PHF14: variants seen among roughly 807,000 people sequenced by gnomAD.
PHF14 encodes the protein PHD finger protein 14.
A neutral mutation model predicts 117.9 loss-of-function variants in PHF14; 55 were observed. The ratio of observed to expected loss-of-function variants is 0.47; its 90% CI spans 0.38 to 0.58. PHF14 has a LOEUF of 0.58. Among genes scored for constraint, PHF14 ranks in the 20% least tolerant of loss-of-function variants. PHF14 has a pLI of 0.00. For missense variants in PHF14, 978 were observed against 1,122.2 expected (o/e 0.87, Z 1.84); for synonymous variants, 409 against 368.6 (o/e 1.11, Z -1.26).
At chr7:11,054,842 G>A (rs1380224819) in intron 14 of PHF14, among the ~76,000 whole-genome samples, 1 of 151,914 alleles carries the variant, frequency 6.6e-6, no homozygotes, top group Non-Finnish European at 1.5e-5. Flanking sequence ...CATTATTATA[G>A]TATTTTTATT....
intron 17 of PHF14, among the ~76,000 whole-genome samples, chr7:11,114,771 A>C (rs1787550720): frequency 6.6e-6 from 1 of 152,116 alleles, no homozygotes; most frequent in Non-Finnish European, 1.5e-5. Flanking sequence ...ACAAATACAC[A>C]GAGACACATA....
chr7:11,163,348 T>A (rs750286162), intron 17 of PHF14, among the ~76,000 whole-genome samples: 1 of 152,238 alleles, frequency 6.6e-6, no homozygotes, highest in Non-Finnish European at 1.5e-5. Flanking sequence ...CATTTCAGTA[T>A]CTGTCATGGC....
At chr7:11,035,605 A>C (rs1370077934) in intron 7 of PHF14, 35 bp from the exon 8 acceptor site, 1 of 1,465,614 alleles carries the variant, frequency 6.8e-7, no homozygotes, top group Admixed American at 2.0e-5. Context: ...TGGGAGTACA[A>C]ATGTTCACTA....
At position 11,063,267 on chromosome 7, in the gene PHF14, A is replaced by T. The variant is rs565052155; in HGVS notation, c.2654+1182A>T. 4 of 984,806 alleles carry T rather than the reference A, an allele frequency of 4.1e-6. No homozygotes were observed. In the African/African-American group the frequency reaches 7.0e-5, roughly 17 times the overall value. The allele number at this position is 984,806 out of a possible 1,614,324, so 61.0% of individuals were successfully genotyped here. On this transcript the variant is annotated intron_variant, in intron 16 of 17. Coordinates refer to ENST00000634607, the MANE Select transcript of PHF14 (RefSeq NM_001007157.2). ...GTGTTGGGAGCTATCCTGAAGGTTA[A>T]GTTTATTAAAATTTAGGGTAAAGTA...
At chr7:11,122,999 C>A (rs1264087489) in intron 17 of PHF14, among the ~76,000 whole-genome samples, 3 of 152,142 alleles carry the variant, frequency 2.0e-5, no homozygotes, top group African/African-American at 7.2e-5. Flanking sequence ...TAATTTCCTC[C>A]TTTTAAAAAT....
intron 16 of PHF14, among the ~76,000 whole-genome samples, chr7:11,065,611 T>C (rs1785397129): frequency 6.6e-6 from 1 of 152,174 alleles, no homozygotes; most frequent in African/African-American, 2.4e-5. Context: ...TGGATAGTTT[T>C]TCCTCTGCTG....
intron 14 of PHF14, among the ~76,000 whole-genome samples, chr7:11,056,090 A>C (rs542959876): frequency 6.6e-6 from 1 of 152,146 alleles, no homozygotes; most frequent in Non-Finnish European, 1.5e-5. Context: ...ATAGATTCTT[A>C]GAAGAAACCC....
chr7:11,138,320 C>T (rs1040290463), intron 17 of PHF14, among the ~76,000 whole-genome samples: 2 of 152,038 alleles, frequency 1.3e-5, no homozygotes, highest in African/African-American at 2.4e-5. Flanking sequence ...GGATTACAGG[C>T]GTGAGCCACT....
At chr7:11,001,707 A>G (rs867083416) in intron 4 of PHF14, among the ~76,000 whole-genome samples, 1 of 152,100 alleles carries the variant, frequency 6.6e-6, no homozygotes, top group Middle Eastern at 3.2e-3. Flanking sequence ...TGGCTTTTGT[A>G]TATTAAGTTT....
Position 10,974,268 on chromosome 7 carries a change from G to C in PHF14, c.-56G>C. The C allele has an allele frequency of 6.5e-7, 1 of 1,532,790 alleles. No homozygotes were observed. The highest frequency in any genetic ancestry group is 8.9e-7 in the Non-Finnish European group (1 of 1,123,938). 94.9% of individuals were successfully genotyped at this position (1,532,790 alleles called of 1,614,324 possible). Reference sequence around the variant, plus strand: ...CCAGTCCCCGACCTCGGCGCTGCCTGGGCTCCTGCAGCCTCTCCCTAAGTC... The same window carrying C: ...CCAGTCCCCGACCTCGGCGCTGCCTCGGCTCCTGCAGCCTCTCCCTAAGTC... On this transcript the variant is annotated 5_prime_UTR_variant, in exon 1 of 18. Transcript: ENST00000634607.
At chr7:11,043,662 A>G (rs894875721) in intron 13 of PHF14, among the ~76,000 whole-genome samples, 5 of 152,026 alleles carry the variant, frequency 3.3e-5, no homozygotes, top group African/African-American at 1.2e-4. Flanking sequence ...CTATTTTCAC[A>G]TGATTGCTTT....
rs560370839 is a variant in PHF14 at position 10,982,616 on chromosome 7, G to T, written c.357G>T (p.Lys119Asn). 3.0e-5 allele frequency: 45 copies of T among 1,523,508 alleles called. No individual in the cohort carries two copies. The highest frequency in any genetic ancestry group is 3.8e-5 in the Non-Finnish European group (43 of 1,126,516). 94.4% of individuals were successfully genotyped at this position (1,523,508 alleles called of 1,614,324 possible). ...ERPRKKKEKE[K>N]EKEKEKEKEK... ...CTAGAAAGAAAAAGGAGAAAGAGAA[G>T]GAAAAAGAAAAGGAAAAGGAGAAAG... is the stretch of plus-strand genomic sequence containing the variant. Residue 119 changes from lysine to asparagine, a missense_variant, in exon 3 of 18, where the codon AAG becomes AAT. Lys to Asn is a moderately conservative substitution (Grantham distance 94, BLOSUM62 0). Transcript: ENST00000634607.
chr7:11,035,630 C>T lies in PHF14; in HGVS notation c.1456-10C>T, dbSNP rs1210091323. 1 of 1,547,310 alleles carries T rather than the reference C, an allele frequency of 6.5e-7. No individual in the cohort carries two copies. Among genetic ancestry groups the T allele is most frequent in the Non-Finnish European group, 8.8e-7 (1 of 1,141,926 alleles). Reference sequence around the variant, plus strand: ...AATGTTCACTATTTTTCTGTGCTTTCTTTGTATAGGATATAGCAGATCCAT... The same window carrying T: ...AATGTTCACTATTTTTCTGTGCTTTTTTTGTATAGGATATAGCAGATCCAT... On this transcript the variant is annotated splice_polypyrimidine_tract_variant and intron_variant, in intron 7 of 17. Coordinates refer to ENST00000634607, the MANE Select transcript of PHF14 (RefSeq NM_001007157.2).
chr7:11,010,793 G>A (rs1289361646), intron 4 of PHF14, among the ~76,000 whole-genome samples: 1 of 151,932 alleles, frequency 6.6e-6, no homozygotes, highest in Non-Finnish European at 1.5e-5. Context: ...TGAGACTACC[G>A]TGTGTGCCAC....
At chr7:11,114,243 C>T (rs1429560485) in intron 17 of PHF14, among the ~76,000 whole-genome samples, 1 of 152,004 alleles carries the variant, frequency 6.6e-6, no homozygotes, top group Non-Finnish European at 1.5e-5. Flanking sequence ...TAATACATAG[C>T]ATGTATAGTT....
chr7:11,108,771 T>G (rs1262203889), intron 16 of PHF14: 2 of 151,776 alleles, frequency 1.3e-5, no homozygotes, highest in African/African-American at 4.8e-5. Context: ...TCTTGGTTTA[T>G]TAGCTGGAAT....
intron 1 of PHF14, 34 bp from the exon 2 acceptor site, chr7:10,974,801 T>A: frequency 9.4e-7 from 1 of 1,063,154 alleles, no homozygotes; most frequent in South Asian, 1.4e-5. Context: ...TTGGTGTGAT[T>A]ATGAATGACA....
At chr7:11,100,304 C>T (rs1787040900) in intron 16 of PHF14, among the ~76,000 whole-genome samples, 1 of 151,796 alleles carries the variant, frequency 6.6e-6, no homozygotes. Context: ...GTCATTTTGG[C>T]CTGGGAATTA....
chr7:11,104,553 A>G (rs1787194701), intron 16 of PHF14: 1 of 981,690 alleles, frequency 1.0e-6, no homozygotes, highest in Non-Finnish European at 1.2e-6. Flanking sequence ...CAGGTAAATG[A>G]TAGTTGTTTA....
Sources: gnomAD v4.1 joint callset for allele counts (sites outside exome capture counted in the v4.1 genomes callset) on GRCh38, gnomAD v4.1.1 for gene constraint, MANE v1.5 for transcripts, NCBI Gene and HGNC (gene_info 2026-07-23, HGNC 2026-07-21) for gene names.